The following MSI2 variants were observed in gnomAD, a reference collection of about 807,000 sequenced individuals.
MSI2 encodes RNA-binding protein Musashi homolog 2.
MSI2 carries 17 observed loss-of-function variants against 45.6 expected under a neutral mutation model. The ratio of observed to expected loss-of-function variants is 0.37; its 90% CI spans 0.26 to 0.56. MSI2 has a LOEUF of 0.56. MSI2 is among the 20% of genes least tolerant of loss of function. MSI2 has a pLI of 0.77. For missense variants in MSI2, 293 were observed against 444.2 expected, an observed-to-expected ratio of 0.66 and a Z score of 3.06; for synonymous variants, 156 against 158.2, an observed-to-expected ratio of 0.99 and a Z score of 0.11.
intron 5 of MSI2, among the ~76,000 whole-genome samples, chr17:57,318,035 G>C (rs544457835): frequency 8.5e-4 from 130 of 152,332 alleles, no homozygotes; most frequent in African/African-American, 3.0e-3. Flanking sequence ...TGTAATCCCA[G>C]CTACTCGGGA....
intron 7 of MSI2, among the ~76,000 whole-genome samples, chr17:57,567,802 T>C (rs1178180500): frequency 6.6e-6 from 1 of 152,224 alleles, no homozygotes; most frequent in Non-Finnish European, 1.5e-5. Flanking sequence ...TTCATCTCCT[T>C]GGCCTAGCAG....
chr17:57,658,442 C>T (rs1456479676), intron 11 of MSI2, among the ~76,000 whole-genome samples: 1 of 152,216 alleles, frequency 6.6e-6, no homozygotes, highest in African/African-American at 2.4e-5. Context: ...GGACTTTCAC[C>T]ATAAAGAGTC....
At chr17:57,630,567 C>T (rs8082385) in intron 10 of MSI2, 31,429 of 152,174 alleles carry the variant, frequency 0.21, 3,447 homozygotes, top group East Asian at 0.38. Context: ...GGGCCGCCCA[C>T]CCCACTCATC....
At chr17:57,577,857 G>A (rs568806392) in intron 7 of MSI2, among the ~76,000 whole-genome samples, 43 of 152,232 alleles carry the variant, frequency 2.8e-4, no homozygotes, top group African/African-American at 1.0e-3. Flanking sequence ...TTCTTTGGTC[G>A]CCACTTGCTT....
At chr17:57,497,165 C>A (rs1367388181) in intron 6 of MSI2, among the ~76,000 whole-genome samples, 3 of 152,160 alleles carry the variant, frequency 2.0e-5, no homozygotes, top group African/African-American at 7.2e-5. Flanking sequence ...TTAGTAGAGT[C>A]AGGGTTTCAC....
chr17:57,388,617 A>G (rs569502483), intron 5 of MSI2, among the ~76,000 whole-genome samples: 2 of 152,174 alleles, frequency 1.3e-5, no homozygotes, highest in East Asian at 1.9e-4. Context: ...AAGTGTTAAG[A>G]TCACCCAGCC....
chr17:57,312,550 T>C (rs1413481491), intron 5 of MSI2, among the ~76,000 whole-genome samples: 1 of 152,186 alleles, frequency 6.6e-6, no homozygotes, highest in Non-Finnish European at 1.5e-5. Context: ...GAGCAAACCC[T>C]GCAGTCTTCC....
chr17:57,546,693 C>T (rs10163506), intron 7 of MSI2, among the ~76,000 whole-genome samples: 1,631 of 152,316 alleles, frequency 0.011, 28 homozygotes, highest in African/African-American at 0.038. Flanking sequence ...GCTGATCTGT[C>T]CATGTGTTCC....
chr17:57,497,668 T>G (rs2086008016), intron 6 of MSI2, among the ~76,000 whole-genome samples: 1 of 152,154 alleles, frequency 6.6e-6, no homozygotes, highest in Non-Finnish European at 1.5e-5. Context: ...TTGGGCCCCT[T>G]ATCCAAAATG....
chr17:57,359,636 T>C (rs559266929), intron 5 of MSI2, among the ~76,000 whole-genome samples: 2 of 152,226 alleles, frequency 1.3e-5, no homozygotes, highest in East Asian at 3.9e-4. Flanking sequence ...GTGGCTGAGG[T>C]CAAGTGATGA....
intron 11 of MSI2, among the ~76,000 whole-genome samples, chr17:57,659,525 G>T (rs1911846169): frequency 6.6e-6 from 1 of 152,160 alleles, no homozygotes; most frequent in Non-Finnish European, 1.5e-5. Context: ...TTGTGAGAAA[G>T]CTGGGCTACA....
At chr17:57,339,116 C>A (rs1281883289) in intron 5 of MSI2, among the ~76,000 whole-genome samples, 1 of 152,104 alleles carries the variant, frequency 6.6e-6, no homozygotes, top group African/African-American at 2.4e-5. Flanking sequence ...ATCAAAGAGA[C>A]AAATGGCATA....
chr17:57,520,548 A>G (rs914114617), intron 6 of MSI2, among the ~76,000 whole-genome samples: 1 of 152,238 alleles, frequency 6.6e-6, no homozygotes, highest in Admixed American at 6.5e-5. Flanking sequence ...AGAGTTCGAG[A>G]AATGTTCTTA....
chr17:57,561,816 G>A (rs1295885755), intron 7 of MSI2, among the ~76,000 whole-genome samples: 2 of 152,176 alleles, frequency 1.3e-5, no homozygotes, highest in Non-Finnish European at 2.9e-5. Flanking sequence ...GGCCTGGAAG[G>A]TGCCTACCTA....
In MSI2 at chr17:57,529,305, A is replaced by G. The variant is rs183616563; in HGVS notation, c.406-371A>G. Among the ~76,000 whole-genome samples the G allele has an allele frequency of 5.9e-5, 9 of 152,228 alleles. No individual in the cohort carries two copies. Among genetic ancestry groups the G allele is most frequent in the Admixed American group, 5.9e-4 (9 of 15,296 alleles). On this transcript the variant is annotated intron_variant, in intron 6 of 13. Coordinates refer to ENST00000284073, the MANE Select transcript of MSI2 (RefSeq NM_138962.4). The surrounding 1 kb of genome is among the most constrained non-coding windows in gnomAD (Gnocchi z 5.3). Reference sequence around the variant, plus strand: ...AAATAAAATAACTGGGCATGATGGTACATGCCTGTAGTCCCAGCTACTCAG... The same window carrying G: ...AAATAAAATAACTGGGCATGATGGTGCATGCCTGTAGTCCCAGCTACTCAG...
intron 5 of MSI2, among the ~76,000 whole-genome samples, chr17:57,302,150 C>T (rs1911468209): frequency 6.6e-6 from 1 of 152,184 alleles, no homozygotes; most frequent in Non-Finnish European, 1.5e-5. Context: ...TTTTGGGGTA[C>T]ATACGATATT....
intron 6 of MSI2, among the ~76,000 whole-genome samples, chr17:57,411,676 T>C (rs1465821370): frequency 1.3e-5 from 2 of 152,080 alleles, no homozygotes; most frequent in Non-Finnish European, 2.9e-5. Flanking sequence ...GTGATCTTCT[T>C]TGGGGTGGCC....
chr17:57,470,253 A>G lies in MSI2; in HGVS notation c.406-59423A>G, dbSNP rs116980565. On this transcript the variant is annotated intron_variant, in intron 6 of 13. Transcript: ENST00000284073. ...TCCCTATGCCTTGCACAGCTTTGACATACAATACCTTCATATTGAAATTTT... is the reference window on the plus strand; with the variant it reads ...TCCCTATGCCTTGCACAGCTTTGACGTACAATACCTTCATATTGAAATTTT... Among the ~76,000 whole-genome samples the G allele has an allele frequency of 5.2e-3, 790 of 151,158 alleles. 19 individuals carry two copies. The highest frequency in any genetic ancestry group is 0.04 in the Admixed American group (598 of 15,092).
chr17:57,665,294 A>C (rs1365399135), intron 11 of MSI2, among the ~76,000 whole-genome samples: 5 of 152,352 alleles, frequency 3.3e-5, no homozygotes, highest in Middle Eastern at 6.8e-3. Flanking sequence ...AGCAGCCTGC[A>C]GCAACTGTAA....
Sources: allele counts gnomAD v4.1 joint callset (sites outside exome capture counted in the v4.1 genomes callset), GRCh38; gene constraint gnomAD v4.1.1; non-coding constraint Gnocchi (gnomAD v3.1); transcripts MANE v1.5; gene names NCBI Gene and HGNC (gene_info 2026-07-23, HGNC 2026-07-21).